Variants in ST6GAL1 observed in about 807,000 individuals in gnomAD.
ST6GAL1 encodes ST6 beta-galactoside alpha-2,6-sialyltransferase 1.
Under a neutral mutation model 38.0 loss-of-function variants are expected in ST6GAL1, and 20 were observed. That is an observed-to-expected ratio of 0.53 (90% CI 0.37 to 0.77). ST6GAL1 has a LOEUF of 0.77. Among genes scored for constraint, ST6GAL1 ranks in the 30% least tolerant of loss-of-function variants. The pLI is 0.00. For missense variants in ST6GAL1, 432 were observed against 496.4 expected (o/e 0.87, Z 1.23); for synonymous variants, 196 against 188.2 (o/e 1.04, Z -0.34).
intron 1 of ST6GAL1, among the ~76,000 whole-genome samples, chr3:186,937,092 T>A (rs552183182): frequency 7.2e-5 from 11 of 152,246 alleles, no homozygotes; most frequent in Non-Finnish European, 1.3e-4. Flanking sequence ...CTTTTTTTTT[T>A]AAATGGATAT....
intron 5 of ST6GAL1, among the ~76,000 whole-genome samples, chr3:187,052,102 C>T (rs1418821700): frequency 6.6e-6 from 1 of 152,114 alleles, no homozygotes; most frequent in Non-Finnish European, 1.5e-5. Context: ...GAGTCCTGGG[C>T]ATGGGGTGGA....
intron 3 of ST6GAL1, among the ~76,000 whole-genome samples, chr3:187,040,214 G>A (rs1027576929): frequency 5.9e-5 from 9 of 152,168 alleles, no homozygotes; most frequent in African/African-American, 1.4e-4. Flanking sequence ...CTTATCTCAC[G>A]GGAGTATAAT....
intron 2 of ST6GAL1, among the ~76,000 whole-genome samples, chr3:187,024,491 TATAGAGAGAGAGAGAGAG>T (rs1717455009): frequency 9.5e-6 from 1 of 105,304 alleles, no homozygotes; most frequent in Non-Finnish European, 1.9e-5. Flanking sequence ...TATATATATA[TATAGAGAGAGAGAGAGAG>T]AGAGAGAGAG....
chr3:186,947,533 T>G (rs974242468), intron 1 of ST6GAL1, among the ~76,000 whole-genome samples: 1 of 152,216 alleles, frequency 6.6e-6, no homozygotes, highest in South Asian at 2.1e-4. Flanking sequence ...TAAGTCTATT[T>G]TATACATTTA....
rs1239204615 is a variant in ST6GAL1, at chr3:186,939,990, C to T, written c.-325+9156C>T. 2.6e-5 allele frequency among the ~76,000 whole-genome samples: 4 copies of T among 152,204 alleles called. No homozygotes were observed. The South Asian group carries it at 8.3e-4, about 32-fold the overall frequency. ...TGGTCTCCTCTAACTTGCTGTTACA[C>T]CCAAGTAGGAATTTTTGACTCAAAT... On this transcript the variant is annotated intron_variant, in intron 1 of 7. Transcript: ENST00000169298.
chr3:187,018,211 A>G (rs1182881751), intron 2 of ST6GAL1, among the ~76,000 whole-genome samples: 1 of 152,150 alleles, frequency 6.6e-6, no homozygotes, highest in Non-Finnish European at 1.5e-5. Flanking sequence ...TTCTAAACAC[A>G]TGAAACCAGA....
At chr3:186,996,973 C>G in intron 2 of ST6GAL1, among the ~76,000 whole-genome samples, 1 of 152,026 alleles carries the variant, frequency 6.6e-6, no homozygotes, top group African/African-American at 2.4e-5. Flanking sequence ...TCACACAGCA[C>G]ACTTGGTCTG....
rs202232283 is a variant in ST6GAL1 at position 187,075,552 on chromosome 3, C to T, written c.980-10C>T. ...TGTCAGGCATGACTCACCTCTGCTC[C>T]CCTCTCCAGGTATCATCATCATGAT... On this transcript the variant is annotated splice_polypyrimidine_tract_variant and intron_variant, in intron 7 of 7. Coordinates refer to ENST00000169298, the MANE Select transcript of ST6GAL1 (RefSeq NM_173216.2). The surrounding 1 kb of genome is among the most constrained non-coding windows in gnomAD (Gnocchi z 4.1). The T allele has an allele frequency of 3.4e-5, 55 of 1,613,232 alleles. No homozygotes were observed. The African/African-American group carries it at 6.0e-4, about 18-fold the overall frequency.
rs758356511 is a variant in ST6GAL1 at position 187,042,961 on chromosome 3, G to T, written c.258G>T (p.Lys86Asn). The T allele has an allele frequency of 1.2e-5, 19 of 1,614,164 alleles. No individual in the cohort carries two copies. Among genetic ancestry groups the T allele is most frequent in the Admixed American group, 1.2e-4 (7 of 60,018 alleles). Residue 86 changes from lysine (K) to asparagine (N), a missense_variant, in exon 4 of 8, where the codon AAG (lysine) becomes AAT (asparagine). Physicochemically the swap from Lys to Asn is moderately conservative, Grantham distance 94. Coordinates refer to ENST00000169298, the MANE Select transcript of ST6GAL1 (RefSeq NM_173216.2). ...TCGGCAGTCTCAGAGGCCTAGCCAA[G>T]GCCAAACCAGAGGCCTCCTTCCAGG... ...QTLGSLRGLA[K>N]AKPEASFQVW...
Position 187,075,518 on chromosome 3 carries a change from G to C in ST6GAL1, c.980-44G>C. On this transcript the variant is annotated intron_variant, in intron 7 of 7. Coordinates refer to ENST00000169298, the MANE Select transcript of ST6GAL1 (RefSeq NM_173216.2). This position sits in a 1 kb window ranked among gnomAD's most constrained non-coding sequence, Gnocchi z 4.1. ...CCACTGGGCAGAGCTCTGGGGTGCT[G>C]GGGTGGGTTGTCAGGCATGACTCAC... The C allele has an allele frequency of 6.2e-7, 1 of 1,604,852 alleles. No individual in the cohort carries two copies. The highest frequency in any genetic ancestry group is 1.3e-5 in the African/African-American group (1 of 74,906).
chr3:187,071,915 A>G (rs1175389837), intron 5 of ST6GAL1: 3 of 152,144 alleles, frequency 2.0e-5, no homozygotes, highest in Non-Finnish European at 4.4e-5. Context: ...TATCTTTTGC[A>G]AATACTTTTC....
At chr3:186,943,749 A>G (rs969982764) in intron 1 of ST6GAL1, among the ~76,000 whole-genome samples, 4 of 152,104 alleles carry the variant, frequency 2.6e-5, no homozygotes, top group African/African-American at 9.7e-5. Context: ...TGCCCGGCCT[A>G]TTATCTCAGA....
At chr3:187,060,650 T>G (rs1371978657) in intron 5 of ST6GAL1, among the ~76,000 whole-genome samples, 1 of 152,188 alleles carries the variant, frequency 6.6e-6, no homozygotes, top group Non-Finnish European at 1.5e-5. Flanking sequence ...AGAATGTATT[T>G]AAGGGCTGCT....
intron 1 of ST6GAL1, chr3:186,942,428 G>GT (rs1714210455): frequency 6.6e-6 from 1 of 152,236 alleles, no homozygotes; most frequent in African/African-American, 2.4e-5. Context: ...GAGGATGGTT[G>GT]TAAGTTTTTT....
At chr3:187,040,858 G>A (rs997365471) in intron 3 of ST6GAL1, among the ~76,000 whole-genome samples, 16 of 152,184 alleles carry the variant, frequency 1.1e-4, no homozygotes, top group African/African-American at 3.1e-4. Flanking sequence ...GGAGCCCATC[G>A]TTCCCAGAGT....
chr3:186,947,560 G>A (rs1326242607), intron 1 of ST6GAL1, among the ~76,000 whole-genome samples: 1 of 151,942 alleles, frequency 6.6e-6, no homozygotes, highest in Admixed American at 6.6e-5. Context: ...TGTTTAGATT[G>A]GTATTTATTA....
intron 1 of ST6GAL1, among the ~76,000 whole-genome samples, chr3:186,933,843 T>A (rs1713847038): frequency 6.6e-6 from 1 of 152,228 alleles, no homozygotes; most frequent in Non-Finnish European, 1.5e-5. Context: ...GAGAACCAAT[T>A]CCTTATGGAT....
At chr3:187,013,374 A>G (rs964337204) in intron 2 of ST6GAL1, among the ~76,000 whole-genome samples, 13 of 152,162 alleles carry the variant, frequency 8.5e-5, no homozygotes, top group African/African-American at 2.4e-4. Flanking sequence ...GACTCAGAGA[A>G]GATAAGTGAC....
chr3:187,023,776 C>G (rs1046834430), intron 2 of ST6GAL1, among the ~76,000 whole-genome samples: 2 of 151,866 alleles, frequency 1.3e-5, no homozygotes, highest in Admixed American at 6.6e-5. Context: ...GGAGATATAC[C>G]TAATGCTAAA....
Sources: allele counts gnomAD v4.1 joint callset (sites outside exome capture counted in the v4.1 genomes callset), GRCh38; gene constraint gnomAD v4.1.1; non-coding constraint Gnocchi (gnomAD v3.1); transcripts MANE v1.5; gene names NCBI Gene and HGNC (gene_info 2026-07-23, HGNC 2026-07-21).